Variants in NXPE4 observed in about 807,000 individuals in gnomAD.
NXPE4 encodes the protein NXPE family member 4.
Under a neutral mutation model 33.3 loss-of-function variants are expected in NXPE4, and 42 were observed. The ratio of observed to expected loss-of-function variants is 1.26; its 90% CI spans 0.98 to 1.63. NXPE4 has a LOEUF of 1.63. NXPE4 is among the 40% of genes most tolerant of loss of function. The pLI, the probability that NXPE4 is intolerant of heterozygous loss-of-function variation, is 0.00. For synonymous variants in NXPE4, 253 were observed against 234.9 expected (o/e 1.08, Z -0.71); for missense variants, 709 against 647.6 (o/e 1.09, Z -1.03).
chr11:114,597,467 G>T (rs1949587462), upstream of NXPE4, among the ~76,000 whole-genome samples: 1 of 152,146 alleles, frequency 6.6e-6, no homozygotes, highest in Non-Finnish European at 1.5e-5. Context: ...ATATTCAGTT[G>T]GAATTAGAAT....
At position 114,571,331 on chromosome 11, in the gene NXPE4, C is replaced by T. The variant is rs1431227306; in HGVS notation, c.1242G>A (p.Glu414=). The change falls in exon 6 of 6, where the codon GAG becomes GAA. Residue 414 remains glutamate (E), a synonymous_variant. Transcript: ENST00000375478. ...GSMTYSVKEM[E]YLTRAIDRTG... is the part of the protein sequence containing the mutation. ...TTCTGTCAATGGCCCGGGTGAGGTA[C>T]TCCATCTCTTTGACTGAATAGGTCA... 1.2e-6 allele frequency: 2 copies of T among 1,613,992 alleles called. No individual in the cohort carries two copies. Among genetic ancestry groups the T allele is most frequent in the Non-Finnish European group, 1.7e-6 (2 of 1,179,936 alleles).
At chr11:114,632,339 G>T in the NXPE4 span, among the ~76,000 whole-genome samples, 1 of 130,184 alleles carries the variant, frequency 7.7e-6, no homozygotes, top group Non-Finnish European at 1.6e-5. Flanking sequence ...TAACATAATA[G>T]AATATATAAT....
At chr11:114,583,064 G>C in intron 2 of NXPE4, 43 bp from the exon 3 acceptor site, 1 of 1,560,652 alleles carries the variant, frequency 6.4e-7, no homozygotes, top group South Asian at 1.2e-5. Flanking sequence ...TAAATTTAGA[G>C]CATATCTGAA....
At chr11:114,577,782 A>C (rs1026037833) in intron 5 of NXPE4, among the ~76,000 whole-genome samples, 2 of 152,174 alleles carry the variant, frequency 1.3e-5, no homozygotes, top group Non-Finnish European at 2.9e-5. Context: ...ATAAAAAACA[A>C]GTAAACCCTA....
the NXPE4 span, among the ~76,000 whole-genome samples, chr11:114,628,884 C>T: frequency 6.6e-6 from 1 of 151,880 alleles, no homozygotes; most frequent in Non-Finnish European, 1.5e-5. Context: ...TCAGAGAATG[C>T]TACAAACACC....
chr11:114,629,355 C>G, the NXPE4 span, among the ~76,000 whole-genome samples: 4 of 152,004 alleles, frequency 2.6e-5, no homozygotes, highest in African/African-American at 9.7e-5. Flanking sequence ...GGGATGCAAG[C>G]CTGGTTCAAT....
chr11:114,598,320 G>A (rs927234672), upstream of NXPE4, among the ~76,000 whole-genome samples: 1 of 26,358 alleles, frequency 3.8e-5, no homozygotes, highest in Admixed American at 3.2e-4. Context: ...TTTTCCAGGT[G>A]CAGAGTGCAA....
intron 2 of NXPE4, among the ~76,000 whole-genome samples, chr11:114,590,204 C>T (rs536658302): frequency 6.6e-6 from 1 of 152,260 alleles, no homozygotes; most frequent in African/African-American, 2.4e-5. Context: ...TGCTCTGTGC[C>T]CCAACTGAGG....
At chr11:114,640,196 T>TC in the NXPE4 span, among the ~76,000 whole-genome samples, 1 of 134,092 alleles carries the variant, frequency 7.5e-6, no homozygotes, top group Non-Finnish European at 1.5e-5. Context: ...ATATAATTTA[T>TC]ATATATTATA....
chr11:114,580,415 T>C (rs1281283352), intron 4 of NXPE4, 77 bp from the exon 5 acceptor site: 14 of 1,225,806 alleles, frequency 1.1e-5, no homozygotes, highest in Non-Finnish European at 1.7e-5. Flanking sequence ...CCTTCTATCC[T>C]CTAAGTATCC....
intron 2 of NXPE4, among the ~76,000 whole-genome samples, chr11:114,586,368 A>G (rs1292225507): frequency 6.6e-6 from 1 of 152,186 alleles, no homozygotes; most frequent in Non-Finnish European, 1.5e-5. Context: ...TCCGAGGAAG[A>G]TTCATAGAAG....
At chr11:114,594,816 A>G (rs921330039) in intron 1 of NXPE4, 47 bp from the exon 2 acceptor site, 2 of 969,396 alleles carry the variant, frequency 2.1e-6, no homozygotes, top group Non-Finnish European at 3.2e-6. Flanking sequence ...ACAACAAAAC[A>G]GAAAAGCAAA....
chr11:114,612,491 T>C, the NXPE4 span, among the ~76,000 whole-genome samples: 1 of 150,426 alleles, frequency 6.6e-6, no homozygotes, highest in African/African-American at 2.5e-5. Flanking sequence ...CACTGTTACC[T>C]GCTGGATAAT....
the NXPE4 span, among the ~76,000 whole-genome samples, chr11:114,636,600 A>G: frequency 8.6e-5 from 13 of 151,916 alleles, no homozygotes; most frequent in East Asian, 2.5e-3. Flanking sequence ...GTGGGCATTT[A>G]GTGCTATAAA....
At chr11:114,617,300 C>G in the NXPE4 span, among the ~76,000 whole-genome samples, 1 of 137,414 alleles carries the variant, frequency 7.3e-6, no homozygotes, top group African/African-American at 2.7e-5. Flanking sequence ...CATTACCCAC[C>G]AGATACTAAG....
upstream of NXPE4, among the ~76,000 whole-genome samples, chr11:114,597,509 A>G (rs949780561): frequency 1.3e-5 from 2 of 152,192 alleles, no homozygotes; most frequent in African/African-American, 4.8e-5. Context: ...TTGATGGATA[A>G]ATATGCATTT....
chr11:114,597,161 C>A (rs1170207412), upstream of NXPE4, among the ~76,000 whole-genome samples: 1 of 151,956 alleles, frequency 6.6e-6, no homozygotes, highest in Non-Finnish European at 1.5e-5. Flanking sequence ...CTGGTATAAC[C>A]ACTAAATATT....
intron 5 of NXPE4, among the ~76,000 whole-genome samples, chr11:114,578,788 G>A (rs567910897): frequency 1.3e-5 from 2 of 152,240 alleles, no homozygotes; most frequent in East Asian, 3.9e-4. Flanking sequence ...TTACTGGTGC[G>A]CTCTTGGTTT....
chr11:114,632,041 A>G, the NXPE4 span, among the ~76,000 whole-genome samples: 120 of 145,388 alleles, frequency 8.3e-4, 1 homozygote, highest in African/African-American at 2.6e-3. Flanking sequence ...TATATATAAT[A>G]TATAATTTAA....
Sources: gnomAD v4.1 joint callset for allele counts (sites outside exome capture counted in the v4.1 genomes callset) on GRCh38, gnomAD v4.1.1 for gene constraint, MANE v1.5 for transcripts, NCBI Gene and HGNC (gene_info 2026-07-23, HGNC 2026-07-21) for gene names.